MYO16: variants seen among roughly 807,000 people sequenced by gnomAD.
The protein encoded by MYO16 is unconventional myosin-XVI.
Under a neutral mutation model 205.3 loss-of-function variants are expected in MYO16, and 94 were observed. The observed-to-expected ratio is 0.46, with a 90% CI of 0.39 to 0.54. The LOEUF (loss-of-function observed/expected upper bound fraction) is 0.54, where lower values mean the gene tolerates loss of function less well. Ranked by LOEUF, MYO16 falls within the 20% of genes least tolerant of loss-of-function variation. The pLI is 0.00. For missense variants in MYO16, 2,315 were observed against 2,387.5 expected (o/e 0.97, Z 0.63); for synonymous variants, 988 against 954.0 (o/e 1.04, Z -0.66).
intron 3 of MYO16, among the ~76,000 whole-genome samples, chr13:108,713,823 A>G (rs1883817618): frequency 6.6e-6 from 1 of 152,184 alleles, no homozygotes; most frequent in Non-Finnish European, 1.5e-5. Flanking sequence ...ATACAAAGAG[A>G]GATTTCAAGG....
intron 2 of MYO16, among the ~76,000 whole-genome samples, chr13:108,668,524 A>T (rs1881840788): frequency 6.6e-6 from 1 of 152,190 alleles, no homozygotes; most frequent in South Asian, 2.1e-4. Context: ...CTTCGGTGAG[A>T]TGAAAACAAG....
rs957962478 is a variant in MYO16, at chr13:109,187,506, A to G, written c.5415+7873A>G. ...TTTCTTCCTAATAAAAGCATTTAAT[A>G]GAGTTGTAAATTTCCATCTCAACAC... is the stretch of plus-strand genomic sequence containing the variant. On this transcript the variant is annotated intron_variant, in intron 34 of 34. Transcript: ENST00000457511. Among the ~76,000 whole-genome samples, 6 of 152,332 alleles carry G rather than the reference A, an allele frequency of 3.9e-5. No individual in the cohort carries two copies. In the South Asian group the frequency reaches 1.2e-3, roughly 32 times the overall value.
At chr13:108,999,517 A>G (rs1467664374) in intron 21 of MYO16, among the ~76,000 whole-genome samples, 1 of 152,210 alleles carries the variant, frequency 6.6e-6, no homozygotes, top group Non-Finnish European at 1.5e-5. Context: ...ATGCTAGTAT[A>G]ATATACCTCT....
At chr13:108,777,175 G>C (rs1886150292) in intron 4 of MYO16, among the ~76,000 whole-genome samples, 1 of 151,998 alleles carries the variant, frequency 6.6e-6, no homozygotes, top group Non-Finnish European at 1.5e-5. Context: ...TCATGAGGAG[G>C]GGCACCGGGA....
the MYO16 span, among the ~76,000 whole-genome samples, chr13:108,555,813 T>G: frequency 3.5e-3 from 528 of 152,324 alleles, 2 homozygotes; most frequent in Middle Eastern, 0.037. Flanking sequence ...AAATTCAACT[T>G]TTTTTGATTC....
intron 16 of MYO16, among the ~76,000 whole-genome samples, chr13:108,953,737 A>G (rs952355649): frequency 2.0e-5 from 3 of 152,164 alleles, no homozygotes; most frequent in East Asian, 1.9e-4. Context: ...AAAAATAAAC[A>G]TGTAGTTTTT....
intron 31 of MYO16, among the ~76,000 whole-genome samples, chr13:109,130,037 T>TACAC (rs535095130): frequency 2.0e-5 from 3 of 147,240 alleles, no homozygotes; most frequent in Non-Finnish European, 3.0e-5. Context: ...GAGATATATA[T>TACAC]ACACACACAC....
intron 20 of MYO16, among the ~76,000 whole-genome samples, chr13:108,980,586 G>C (rs546338487): frequency 3.3e-5 from 5 of 152,274 alleles, no homozygotes; most frequent in African/African-American, 9.6e-5. Context: ...GGAAATGTCA[G>C]TACCACTAGT....
chr13:108,937,577 T>C (rs1882546410), intron 16 of MYO16, among the ~76,000 whole-genome samples: 1 of 152,216 alleles, frequency 6.6e-6, no homozygotes, highest in Non-Finnish European at 1.5e-5. Flanking sequence ...AAATTCTTTT[T>C]TAATTTTTGC....
rs1469169582 is a variant in MYO16 at position 108,963,931 on chromosome 13, ATC to A, written c.2228-827_2228-826del. ...CTGCCCCTTCCCCTTGTGTTGTTCC[ATC>A]TCGATGGCCTTGAACTTGCAGCTCT... On this transcript the variant is annotated intron_variant, in intron 19 of 34. Coordinates refer to ENST00000457511, the MANE Select transcript of MYO16 (RefSeq NM_001198950.3). Among the ~76,000 whole-genome samples the A allele has an allele frequency of 2.6e-5, 4 of 151,934 alleles. No homozygotes were observed. In the East Asian group the frequency reaches 7.7e-4, roughly 29 times the overall value.
intron 3 of MYO16, among the ~76,000 whole-genome samples, chr13:108,721,776 G>C (rs1260052287): frequency 1.3e-5 from 2 of 152,212 alleles, no homozygotes; most frequent in Non-Finnish European, 2.9e-5. Context: ...CACTGGACAA[G>C]GCTGCAGGAG....
At chr13:109,067,601 A>G (rs9583335) in intron 27 of MYO16, among the ~76,000 whole-genome samples, 75,938 of 151,976 alleles carry the variant, frequency 0.5, 19,013 homozygotes, top group Middle Eastern at 0.55. Context: ...CAGGCACATC[A>G]GGACGGCACT....
chr13:109,142,262 G>T (rs1429234149), intron 32 of MYO16, among the ~76,000 whole-genome samples: 1 of 152,084 alleles, frequency 6.6e-6, no homozygotes, highest in Non-Finnish European at 1.5e-5. Context: ...ACATGTTAAG[G>T]TTTGTATACA....
intron 8 of MYO16, among the ~76,000 whole-genome samples, chr13:108,820,619 A>ATT (rs1172351911): frequency 6.6e-6 from 1 of 151,984 alleles, no homozygotes; most frequent in Admixed American, 6.6e-5. Context: ...GCAAGAGGCT[A>ATT]TTCACAGTTT....
chr13:109,159,353 G>A (rs779104033), intron 32 of MYO16, among the ~76,000 whole-genome samples: 2 of 152,320 alleles, frequency 1.3e-5, no homozygotes, highest in Non-Finnish European at 2.9e-5. Context: ...ATTGTGGTGC[G>A]TGGCTTTACT....
intron 4 of MYO16, among the ~76,000 whole-genome samples, chr13:108,744,622 G>A (rs1473087466): frequency 1.3e-5 from 2 of 152,106 alleles, no homozygotes; most frequent in African/African-American, 4.8e-5. Flanking sequence ...CCTTGGCCAT[G>A]GACACTTTTG....
chr13:108,560,890 C>T, the MYO16 span, among the ~76,000 whole-genome samples: 3 of 152,158 alleles, frequency 2.0e-5, no homozygotes, highest in Admixed American at 1.3e-4. Flanking sequence ...AATGTATTCA[C>T]ATGATATTTT....
the MYO16 span, among the ~76,000 whole-genome samples, chr13:108,573,636 T>C: frequency 2.2e-4 from 33 of 152,148 alleles, no homozygotes; most frequent in African/African-American, 7.9e-4. Context: ...AGTCTGGGAG[T>C]AGAAGCAGGT....
upstream of MYO16, among the ~76,000 whole-genome samples, chr13:108,595,388 A>G (rs917264153): frequency 3.3e-5 from 5 of 152,166 alleles, no homozygotes; most frequent in African/African-American, 9.6e-5. Context: ...TCTGACTCTG[A>G]TATGTTTTAT....
Sources: gnomAD v4.1 joint callset for allele counts (sites outside exome capture counted in the v4.1 genomes callset) on GRCh38, gnomAD v4.1.1 for gene constraint, MANE v1.5 for transcripts, NCBI Gene and HGNC (gene_info 2026-07-23, HGNC 2026-07-21) for gene names.